DAB1: variants seen among roughly 807,000 people sequenced by gnomAD.
DAB1 encodes DAB adaptor protein 1.
DAB1 carries 15 observed loss-of-function variants against 64.6 expected under a neutral mutation model. The ratio of observed to expected loss-of-function variants is 0.23; its 90% confidence interval spans 0.16 to 0.36. The LOEUF (loss-of-function observed/expected upper bound fraction) is 0.36, where lower values mean the gene tolerates loss of function less well. DAB1 is among the 10% of genes least tolerant of loss of function. The pLI is 1.00. For missense variants in DAB1, 596 were observed against 706.7 expected (o/e 0.84, Z 1.78); for synonymous variants, 235 against 251.9 (o/e 0.93, Z 0.64).
intron 7 of DAB1, among the ~76,000 whole-genome samples, chr1:57,533,641 T>C (rs1236372124): frequency 6.7e-6 from 1 of 149,364 alleles, no homozygotes; most frequent in Non-Finnish European, 1.5e-5. Flanking sequence ...ACTATCTACC[T>C]ACCTACCATT....
At chr1:58,498,974 C>T (rs1645851217) in intron 3 of DAB1, among the ~76,000 whole-genome samples, 1 of 151,716 alleles carries the variant, frequency 6.6e-6, no homozygotes, top group Admixed American at 6.6e-5. Context: ...GACAATTATC[C>T]TCTGGAATGA....
chr1:57,854,514 G>A (rs189379928), intron 1 of DAB1, among the ~76,000 whole-genome samples: 5 of 152,214 alleles, frequency 3.3e-5, no homozygotes, highest in Admixed American at 1.3e-4. Context: ...GAGGAAGATC[G>A]TTTACAGATG....
At chr1:58,159,010 C>T (rs753482008) in intron 4 of DAB1, among the ~76,000 whole-genome samples, 4 of 152,162 alleles carry the variant, frequency 2.6e-5, no homozygotes, top group Non-Finnish European at 5.9e-5. Context: ...ACATGACCTT[C>T]AAAATAGAAC....
intron 9 of DAB1, among the ~76,000 whole-genome samples, chr1:57,053,115 A>G (rs1219568221): frequency 6.6e-6 from 1 of 152,174 alleles, no homozygotes; most frequent in Non-Finnish European, 1.5e-5. Context: ...CGCTATTCCC[A>G]TTTTGCAGAT....
At chr1:58,465,791 C>A (rs185209016) in intron 3 of DAB1, among the ~76,000 whole-genome samples, 12 of 152,270 alleles carry the variant, frequency 7.9e-5, no homozygotes, top group Admixed American at 7.8e-4. Flanking sequence ...GAGACAGGAA[C>A]CGTCATTATC....
intron 6 of DAB1, among the ~76,000 whole-genome samples, chr1:57,689,347 A>T (rs1646736680): frequency 6.6e-6 from 1 of 152,170 alleles, no homozygotes; most frequent in Admixed American, 6.6e-5. Context: ...AAGTAAAAAC[A>T]GGTGGAGATG....
At chr1:58,208,749 G>A (rs926197885) in intron 4 of DAB1, among the ~76,000 whole-genome samples, 4 of 152,144 alleles carry the variant, frequency 2.6e-5, no homozygotes, top group African/African-American at 7.2e-5. Flanking sequence ...TGCTACAAAC[G>A]TGCATGTGCA....
At chr1:57,264,159 C>T (rs1453794119) in intron 2 of DAB1, among the ~76,000 whole-genome samples, 2 of 152,132 alleles carry the variant, frequency 1.3e-5, no homozygotes, top group Non-Finnish European at 2.9e-5. Context: ...TTTTCTGTAT[C>T]TCATTGTATA....
At chr1:57,228,650 T>C (rs1569972498) in intron 2 of DAB1, among the ~76,000 whole-genome samples, 1 of 152,132 alleles carries the variant, frequency 6.6e-6, no homozygotes, top group East Asian at 1.9e-4. Flanking sequence ...GATTGGAAAA[T>C]CCACTTTAAA....
chr1:57,762,123 T>C (rs1649114524), intron 6 of DAB1, among the ~76,000 whole-genome samples: 1 of 152,178 alleles, frequency 6.6e-6, no homozygotes, highest in Admixed American at 6.5e-5. Flanking sequence ...TCTATTTATA[T>C]TCAATATTTC....
rs563218554 is a variant in DAB1, at chr1:56,995,813, T to C, written c.*2331A>G. ...CTTACCAAATCCCCAGAAAACAAACTGGTCTCAGGCCAACTCTTATGGTCA... is the reference window on the plus strand; with the variant it reads ...CTTACCAAATCCCCAGAAAACAAACCGGTCTCAGGCCAACTCTTATGGTCA... On this transcript the variant is annotated 3_prime_UTR_variant, in exon 15 of 15. Transcript: ENST00000371236. 4 of 152,352 alleles carry C rather than the reference T, an allele frequency of 2.6e-5. No homozygotes were observed. The East Asian group carries it at 7.7e-4, about 29-fold the overall frequency. The allele number at this position is 152,352 out of a possible 1,614,324, so 9.4% of individuals were successfully genotyped here. A position where few individuals can be genotyped will look rare whatever the true frequency, so the allele number is the denominator to read the frequency against.
chr1:57,731,999 A>C (rs1025709070), intron 6 of DAB1, among the ~76,000 whole-genome samples: 1 of 152,088 alleles, frequency 6.6e-6, no homozygotes, highest in East Asian at 1.9e-4. Context: ...ACTTCATGTG[A>C]TTTTTAAGAT....
chr1:57,143,361 CTATTA>C (rs1436620061), intron 3 of DAB1, among the ~76,000 whole-genome samples: 1 of 152,046 alleles, frequency 6.6e-6, no homozygotes, highest in African/African-American at 2.4e-5. Context: ...CAACTCTTGT[CTATTA>C]ATCACTCAGA....
chr1:58,490,795 C>CTTTTTTTT (rs148145860), intron 3 of DAB1, among the ~76,000 whole-genome samples: 13 of 59,272 alleles, frequency 2.2e-4, no homozygotes, highest in African/African-American at 3.2e-4. Context: ...AGTCAACATT[C>CTTTTTTTT]TTTTTTTTTT....
At chr1:57,183,731 T>C (rs1038338577) in intron 2 of DAB1, among the ~76,000 whole-genome samples, 1 of 152,198 alleles carries the variant, frequency 6.6e-6, no homozygotes, top group Admixed American at 6.5e-5. Flanking sequence ...AAAGTAATTT[T>C]TAAAATGAGG....
chr1:58,470,417 G>T (rs528852887), intron 3 of DAB1, among the ~76,000 whole-genome samples: 1 of 152,096 alleles, frequency 6.6e-6, no homozygotes, highest in Admixed American at 6.5e-5. Context: ...CAAGTGATCC[G>T]CCTGCCTTGG....
intron 4 of DAB1, among the ~76,000 whole-genome samples, chr1:58,256,521 T>A (rs546932093): frequency 2.0e-5 from 3 of 152,282 alleles, no homozygotes; most frequent in African/African-American, 7.2e-5. Flanking sequence ...ATTGTGGAGA[T>A]TTATTCAGAA....
chr1:58,002,348 TAGTG>T (rs1255041693), intron 5 of DAB1, among the ~76,000 whole-genome samples: 1 of 152,216 alleles, frequency 6.6e-6, no homozygotes, highest in Non-Finnish European at 1.5e-5. Context: ...TTCTTTAAAC[TAGTG>T]AGTATTTAGC....
intron 10 of DAB1, 134 bp from the exon 11 acceptor site, chr1:57,023,773 C>T: frequency 1.5e-6 from 1 of 652,280 alleles, no homozygotes; most frequent in South Asian, 1.8e-5. Context: ...GTGTGCAGCC[C>T]ATGTGCTGGT....
Sources: allele counts gnomAD v4.1 joint callset (sites outside exome capture counted in the v4.1 genomes callset), GRCh38; gene constraint gnomAD v4.1.1; transcripts MANE v1.5; gene names NCBI Gene and HGNC (gene_info 2026-07-23, HGNC 2026-07-21).